GMPR: variants seen among roughly 807,000 people sequenced by gnomAD.
GMPR encodes the protein GMP reductase 1.
GMPR carries 31 observed loss-of-function variants against 38.4 expected under a neutral mutation model. That is an observed-to-expected ratio of 0.81 (90% CI 0.61 to 1.09). The LOEUF is 1.09. Among genes scored for constraint, GMPR ranks in the 50% least tolerant of loss-of-function variants. The pLI is 0.00. For missense variants in GMPR, 468 were observed against 453.7 expected (o/e 1.03, Z -0.29); for synonymous variants, 162 against 173.3 (o/e 0.93, Z 0.51).
intron 4 of GMPR, chr6:16,262,889 C>G (rs1198744040): frequency 5.3e-5 from 8 of 151,954 alleles, no homozygotes; most frequent in Non-Finnish European, 1.2e-4. Flanking sequence ...CTCCAGCCAC[C>G]TTTTTAAGAG....
In GMPR at chr6:16,238,792, T is replaced by C. The variant is rs376410884; in HGVS notation, c.87+12T>C. On this transcript the variant is annotated intron_variant, in intron 1 of 8. Coordinates refer to ENST00000259727, the MANE Select transcript of GMPR (RefSeq NM_006877.4). ...AGAGCCGAGCCGAGGTGGGGGACGT[T>C]CGGAAGTCGCAGTGGGGTGGGATTT... The C allele has an allele frequency of 7.0e-7, 1 of 1,422,446 alleles. No individual in the cohort carries two copies. The highest frequency in any genetic ancestry group is 2.3e-5 in the Admixed American group (1 of 44,044). The allele number at this position is 1,422,446 out of a possible 1,614,324, so 88.1% of individuals were successfully genotyped here. A position where few individuals can be genotyped will look rare whatever the true frequency, so the allele number is the denominator to read the frequency against.
chr6:16,278,184 T>C (rs556966714), intron 5 of GMPR, among the ~76,000 whole-genome samples: 1 of 151,976 alleles, frequency 6.6e-6, no homozygotes, highest in African/African-American at 2.4e-5. Context: ...AGCACAGAGC[T>C]GAGTGAGAGC....
chr6:16,294,187 A>G (rs555639454), intron 8 of GMPR, among the ~76,000 whole-genome samples: 1 of 152,200 alleles, frequency 6.6e-6, no homozygotes, highest in Admixed American at 6.5e-5. Context: ...GAACGTTGCT[A>G]TCCAAAGCCT....
At chr6:16,260,897 A>G (rs749677828) in intron 4 of GMPR, among the ~76,000 whole-genome samples, 6 of 152,032 alleles carry the variant, frequency 3.9e-5, no homozygotes, top group East Asian at 3.9e-4. Flanking sequence ...GCCAGGAACA[A>G]TGGTAATTGT....
chr6:16,289,189 C>T (rs1358847680), intron 7 of GMPR, among the ~76,000 whole-genome samples: 1 of 152,204 alleles, frequency 6.6e-6, no homozygotes, highest in Admixed American at 6.5e-5. Context: ...TGAGCTAGCG[C>T]AGACCCCAAC....
At chr6:16,243,205 A>G (rs894391161) in intron 1 of GMPR, among the ~76,000 whole-genome samples, 2 of 152,228 alleles carry the variant, frequency 1.3e-5, no homozygotes, top group Non-Finnish European at 1.5e-5. Flanking sequence ...AATACACATA[A>G]TATGTCCAGC....
intron 8 of GMPR, among the ~76,000 whole-genome samples, chr6:16,292,001 T>C (rs1313539853): frequency 2.0e-5 from 3 of 152,024 alleles, no homozygotes; most frequent in Non-Finnish European, 2.9e-5. Context: ...TTAGCGCCGA[T>C]GACAAGCTAT....
At chr6:16,250,029 C>T (rs1244993716) in intron 2 of GMPR, among the ~76,000 whole-genome samples, 1 of 152,238 alleles carries the variant, frequency 6.6e-6, no homozygotes, top group Admixed American at 6.5e-5. Context: ...TTATCCCTCT[C>T]CTGCCTCCTG....
chr6:16,253,625 G>T (rs893541465), intron 3 of GMPR, among the ~76,000 whole-genome samples: 47 of 151,964 alleles, frequency 3.1e-4, no homozygotes, highest in Non-Finnish European at 6.0e-4. Flanking sequence ...CTGGGGGGGG[G>T]TCATATTTCA....
In GMPR at chr6:16,288,396, C is replaced by T. The variant is rs11963951; in HGVS notation, c.698-2066C>T. Among the ~76,000 whole-genome samples, 258 of 152,340 alleles carry T rather than the reference C, an allele frequency of 1.7e-3. 2 individuals are homozygous for T. Among genetic ancestry groups the T allele is most frequent in the African/African-American group, 5.8e-3 (240 of 41,582 alleles). ...CTCAGGCAATGAGAGGCTTAGCACC[C>T]GGGCCAGCAGCTGCGGAGGGTGTGC... On this transcript the variant is annotated intron_variant, in intron 7 of 8. Coordinates refer to ENST00000259727, the MANE Select transcript of GMPR (RefSeq NM_006877.4).
At chr6:16,279,651 G>A (rs1252595248) in intron 6 of GMPR, among the ~76,000 whole-genome samples, 1 of 152,306 alleles carries the variant, frequency 6.6e-6, no homozygotes, top group Admixed American at 6.5e-5. Context: ...CAGATGAGAA[G>A]AAAGAAGGGA....
rs763394437 is a variant in GMPR, at chr6:16,278,905, G to A, written c.654+15G>A. The stretch of plus-strand genomic sequence containing the variant: ...ACATCATCTCTGTGAGTCTCCACCC[G>A]GGGCTGAGGCTGGGGTGTCTTGGGA... On this transcript the variant is annotated intron_variant, in intron 6 of 8. Coordinates refer to ENST00000259727, the MANE Select transcript of GMPR (RefSeq NM_006877.4). The A allele has an allele frequency of 1.4e-5, 22 of 1,541,284 alleles. No homozygotes were observed. The highest frequency in any genetic ancestry group is 1.7e-4 in the Middle Eastern group (1 of 5,866).
At chr6:16,271,665 T>C (rs567361979) in intron 4 of GMPR, among the ~76,000 whole-genome samples, 1 of 152,164 alleles carries the variant, frequency 6.6e-6, no homozygotes, top group African/African-American at 2.4e-5. Flanking sequence ...TTCCTCGCAC[T>C]ATAAAAAACA....
Position 16,250,387 on chromosome 6 carries a change from A to T in GMPR, c.291+20A>T, listed in dbSNP as rs1373456083. ...CTGCAGGTACGACTACAGCCTGGTT[A>T]TCAATTACCAGTGCTGCAGGGGGGA... On this transcript the variant is annotated intron_variant, in intron 3 of 8. Transcript: ENST00000259727. 1.4e-5 allele frequency: 20 copies of T among 1,420,646 alleles called. No individual in the cohort carries two copies. The highest frequency in any genetic ancestry group is 1.9e-5 in the Non-Finnish European group (19 of 1,003,380). 88.0% of individuals were successfully genotyped at this position (1,420,646 alleles called of 1,614,324 possible). A position where few individuals can be genotyped will look rare whatever the true frequency, so the allele number is the denominator to read the frequency against.
At chr6:16,267,781 G>A (rs554881298) in intron 4 of GMPR, among the ~76,000 whole-genome samples, 1 of 152,250 alleles carries the variant, frequency 6.6e-6, no homozygotes, top group East Asian at 1.9e-4. Context: ...GGAGGAAATA[G>A]GTGCCTGAGA....
At chr6:16,285,442 T>C (rs567428056) in intron 6 of GMPR, among the ~76,000 whole-genome samples, 1 of 152,192 alleles carries the variant, frequency 6.6e-6, no homozygotes, top group Non-Finnish European at 1.5e-5. Flanking sequence ...GGGTGTGTTA[T>C]GTAGGGGGCT....
intron 4 of GMPR, among the ~76,000 whole-genome samples, chr6:16,263,717 CACAGAA>C: frequency 7.3e-6 from 1 of 137,106 alleles, no homozygotes; most frequent in Middle Eastern, 3.8e-3. Flanking sequence ...GAGGTCAGGG[CACAGAA>C]ATAAGGGATT....
In GMPR at chr6:16,295,437, C is replaced by G; in HGVS notation, c.*251C>G. 2.7e-6 allele frequency: 1 copy of G among 375,352 alleles called. No homozygotes were observed. The highest frequency in any genetic ancestry group is 4.7e-6 in the Non-Finnish European group (1 of 212,534). 23.3% of individuals were successfully genotyped at this position (375,352 alleles called of 1,614,324 possible). A position where few individuals can be genotyped will look rare whatever the true frequency, so the allele number is the denominator to read the frequency against. ...AGAACTCATAACCTCATTGTTCAAA[C>G]CAACACTTGCACCTTTCTCTTTTTC... On this transcript the variant is annotated 3_prime_UTR_variant, in exon 9 of 9. Coordinates refer to ENST00000259727, the MANE Select transcript of GMPR (RefSeq NM_006877.4).
intron 5 of GMPR, among the ~76,000 whole-genome samples, chr6:16,277,500 G>A (rs149132009): frequency 3.0e-3 from 451 of 152,316 alleles, no homozygotes; most frequent in African/African-American, 0.01. Flanking sequence ...CAAGACCTCC[G>A]GGAGGGGCTG....
Sources: gnomAD v4.1 joint callset for allele counts (sites outside exome capture counted in the v4.1 genomes callset) on GRCh38, gnomAD v4.1.1 for gene constraint, MANE v1.5 for transcripts, NCBI Gene and HGNC (gene_info 2026-07-23, HGNC 2026-07-21) for gene names.